The following CARMIL2 variants were observed in gnomAD, a reference collection of about 807,000 sequenced individuals.
CARMIL2 encodes the protein capping protein, Arp2/3 and myosin-I linker protein 2.
Under a neutral mutation model 173.3 loss-of-function variants are expected in CARMIL2, and 96 were observed. That is an observed-to-expected ratio of 0.55 (90% CI 0.47 to 0.66). CARMIL2 has a LOEUF of 0.66. Among genes scored for constraint, CARMIL2 ranks in the 30% least tolerant of loss-of-function variants. CARMIL2 has a pLI of 0.00. For synonymous variants in CARMIL2, 830 were observed against 817.1 expected (o/e 1.02, Z -0.27); for missense variants, 1,771 against 1,906.7 (o/e 0.93, Z 1.33).
At chr16:67,647,432 T>C in intron 10 of CARMIL2, 45 bp downstream of exon 10, 1 of 1,557,528 alleles carries the variant, frequency 6.4e-7, no homozygotes, top group Non-Finnish European at 8.7e-7. Flanking sequence ...TCTGGAGGCT[T>C]GGGACTGGGG....
chr16:67,647,100 C>T lies in CARMIL2; in HGVS notation c.612-16C>T. The T allele has an allele frequency of 1.9e-6, 3 of 1,613,428 alleles. No individual in the cohort carries two copies. Among genetic ancestry groups the T allele is most frequent in the Middle Eastern group, 1.7e-4 (1 of 6,058 alleles). On this transcript the variant is annotated splice_polypyrimidine_tract_variant and intron_variant, in intron 8 of 37. Transcript: ENST00000334583. ...GAGGGCCCTGAGCTCTGCCTCTGTT[C>T]CCACCCTCCCACCAGGGACCTGGCC...
At position 67,646,000 on chromosome 16, in the gene CARMIL2, G is replaced by A. The variant is rs746435317; in HGVS notation, c.187-18G>A. 2 of 1,613,696 alleles carry A rather than the reference G, an allele frequency of 1.2e-6. No homozygotes were observed. Among genetic ancestry groups the A allele is most frequent in the Non-Finnish European group, 1.7e-6 (2 of 1,179,856 alleles). ...CGGGGCTGGGGGCTTGGTCCCAGCT[G>A]ATCTAGGCCCTTTCTAGGTGGACTG... On this transcript the variant is annotated intron_variant, in intron 3 of 37. Coordinates refer to ENST00000334583, the MANE Select transcript of CARMIL2 (RefSeq NM_001013838.3).
intron 1 of CARMIL2, 110 bp downstream of exon 1, chr16:67,645,396 C>T: frequency 2.9e-6 from 4 of 1,403,462 alleles, no homozygotes; most frequent in Non-Finnish European, 3.9e-6. Flanking sequence ...TCCCTGCTCC[C>T]CAGGAGGGCA....
At position 67,655,205 on chromosome 16, in the gene CARMIL2, TG is replaced by T. The variant is rs530928071; in HGVS notation, c.3705+307del. Reference sequence around the variant, plus strand: ...CGACACTTTGGGAGGCTGAGGCAGGTGGATTACCTGAGGTCAGGAGTTAAGA... The same window carrying T: ...CGACACTTTGGGAGGCTGAGGCAGGTGATTACCTGAGGTCAGGAGTTAAGA... On this transcript the variant is annotated intron_variant, in intron 32 of 37. Transcript: ENST00000334583. Among the ~76,000 whole-genome samples, 224 of 152,210 alleles carry T rather than the reference TG, an allele frequency of 1.5e-3. 1 individual carries two copies. The highest frequency in any genetic ancestry group is 5.1e-3 in the African/African-American group (213 of 41,530).
Position 67,657,242 on chromosome 16 carries a change from G to A in CARMIL2, c.4121G>A (p.Arg1374Gln), listed in dbSNP as rs1372728652. ...HEDQLQAPAE[R>Q]PLRLQRSPVL... ...CAAGCCTTTCTGTGTCCCTTAGAACGGCCCCTGAGGCTGCAGCGCTCCCCC... is the reference window on the plus strand; with the variant it reads ...CAAGCCTTTCTGTGTCCCTTAGAACAGCCCCTGAGGCTGCAGCGCTCCCCC... Residue 1374 changes from arginine (R) to glutamine (Q), a missense_variant, in exon 37 of 38, where the codon CGG becomes CAG. Arg to Gln is a conservative substitution (Grantham distance 43). This residue lies in a region of CARMIL2 where 817 missense variants were observed against 903.5 expected (regional missense o/e 0.90). Coordinates refer to ENST00000334583, the MANE Select transcript of CARMIL2 (RefSeq NM_001013838.3). This position sits in a 1 kb window ranked among gnomAD's most constrained non-coding sequence, Gnocchi z 4.5. 3 of 1,613,600 alleles carry A rather than the reference G, an allele frequency of 1.9e-6. No homozygotes were observed. The highest frequency in any genetic ancestry group is 1.7e-6 in the Non-Finnish European group (2 of 1,179,754).
Position 67,654,859 on chromosome 16 carries a change from G to A in CARMIL2, c.3664G>A (p.Val1222Ile), listed in dbSNP as rs767991741. The change falls in exon 32 of 38, where the codon GTC becomes ATC. Residue 1222 changes from valine (V) to isoleucine (I), a missense_variant. Around this residue, in one of 3 missense-constraint regions of CARMIL2, gnomAD observed 817 missense variants for 903.5 expected, o/e 0.90. Transcript: ENST00000334583. Reference protein sequence around the residue: ...RVQVMLQRIGVSRGSGGAEGK... With the variant: ...RVQVMLQRIGISRGSGGAEGK... ...ACAAGTAATGCTGCAGAGGATAGGCGTCAGCCGAGGCAGCGGGGGTGCCGA... is the reference window on the plus strand; with the variant it reads ...ACAAGTAATGCTGCAGAGGATAGGCATCAGCCGAGGCAGCGGGGGTGCCGA... 3.7e-5 allele frequency: 59 copies of A among 1,613,712 alleles called. No homozygotes were observed. The highest frequency in any genetic ancestry group is 4.5e-5 in the Non-Finnish European group (53 of 1,179,892).
intron 22 of CARMIL2, 76 bp downstream of exon 22, chr16:67,650,226 A>C: frequency 7.9e-7 from 1 of 1,272,998 alleles, no homozygotes; most frequent in South Asian, 1.3e-5. Flanking sequence ...CATGAGTCAG[A>C]GGGTCTGACT....
Position 67,646,136 on chromosome 16 carries a change from T to A in CARMIL2, c.250-50T>A. The A allele has an allele frequency of 6.2e-7, 1 of 1,613,748 alleles. No individual in the cohort carries two copies. Among genetic ancestry groups the A allele is most frequent in the Non-Finnish European group, 8.5e-7 (1 of 1,179,816 alleles). On this transcript the variant is annotated intron_variant, in intron 4 of 37. Transcript: ENST00000334583. This position sits in a 1 kb window ranked among gnomAD's most constrained non-coding sequence, Gnocchi z 4.6. ...CAGCCTGGTCTTCATGCTACCACCA[T>A]CACCTGCGCCCATGTGTGGAGCCGA...
At position 67,648,919 on chromosome 16, in the gene CARMIL2, A is replaced by T. The variant is rs1265822435; in HGVS notation, c.1536A>T (p.Ile512=). ...TGCGCTCGGCCGGCGCCCAGGTGATACAAGACTTAGTGTGCGACGCAGGCG... is the reference window on the plus strand; with the variant it reads ...TGCGCTCGGCCGGCGCCCAGGTGATTCAAGACTTAGTGTGCGACGCAGGCG... ...CELRSAGAQV[I]QDLVCDAGAV... is the part of the protein sequence containing the mutation. Residue 512 remains isoleucine (I), a synonymous_variant, in exon 17 of 38, where the codon ATA becomes ATT. Coordinates refer to ENST00000334583, the MANE Select transcript of CARMIL2 (RefSeq NM_001013838.3). This position sits in a 1 kb window ranked among gnomAD's most constrained non-coding sequence, Gnocchi z 6.1. 6.2e-7 allele frequency: 1 copy of T among 1,608,952 alleles called. No homozygotes were observed. Among genetic ancestry groups the T allele is most frequent in the Non-Finnish European group, 8.5e-7 (1 of 1,178,112 alleles).
At position 67,651,839 on chromosome 16, in the gene CARMIL2, G is replaced by A; in HGVS notation, c.2582G>A (p.Arg861Lys). ...CAGCTGCTGCAAGATGCCTTCACTA[G>A]GCTCAGGTAGGCTGGATGGGGCTGG... ...PEQLLQDAFTRLRDMRLSITG... is the reference protein window; with the variant it reads ...PEQLLQDAFTKLRDMRLSITG... Residue 861 changes from arginine to lysine, a missense_variant, in exon 25 of 38, where the codon AGG becomes AAG. This residue lies in a region of CARMIL2 where 817 missense variants were observed against 903.5 expected (regional missense o/e 0.90). Transcript: ENST00000334583. The surrounding 1 kb of genome is among the most constrained non-coding windows in gnomAD (Gnocchi z 4.2). 1 of 1,612,556 alleles carries A rather than the reference G, an allele frequency of 6.2e-7. No homozygotes were observed.
In CARMIL2 at chr16:67,657,298, C is replaced by T. The variant is rs1326449222; in HGVS notation, c.4177C>T (p.Pro1393Ser). Residue 1393 changes from proline to serine, a missense_variant, in exon 37 of 38, where the codon CCT becomes TCT. Pro to Ser is a moderately conservative substitution (Grantham distance 74, BLOSUM62 -1). Transcript: ENST00000334583. The surrounding 1 kb of genome is among the most constrained non-coding windows in gnomAD (Gnocchi z 4.5). ...CAAACGCAGGCCAAAACTCGAGGCACCTCCATCCCCAAGCCTAGGTAAGAG... is the reference window on the plus strand; with the variant it reads ...CAAACGCAGGCCAAAACTCGAGGCATCTCCATCCCCAAGCCTAGGTAAGAG... ...VLKRRPKLEA[P>S]PSPSLGSGLG... 1 of 1,613,814 alleles carries T rather than the reference C, an allele frequency of 6.2e-7. No individual in the cohort carries two copies.
chr16:67,645,991 G>A (rs1353402510), intron 3 of CARMIL2, 27 bp from the exon 4 acceptor site: 2 of 1,613,122 alleles, frequency 1.2e-6, no homozygotes, highest in South Asian at 1.1e-5. Flanking sequence ...TGGGGGCTTG[G>A]TCCCAGCTGA....
rs750114244 is a variant in CARMIL2 at position 67,656,314 on chromosome 16, C to CTG, written c.3814+23_3814+24dup. On this transcript the variant is annotated intron_variant, in intron 34 of 37. Coordinates refer to ENST00000334583, the MANE Select transcript of CARMIL2 (RefSeq NM_001013838.3). ...TGTGTCTGCTGGTGAGTGAGGGCCA[C>CTG]TGTGTGTGTTGGTAGTGGGAGCAGG... 1.9e-6 allele frequency: 3 copies of CTG among 1,613,866 alleles called. No individual in the cohort carries two copies. The Admixed American group carries it at 5.0e-5, about 27-fold the overall frequency.
chr16:67,652,559 A>T lies in CARMIL2; in HGVS notation c.2884+21A>T. The T allele has an allele frequency of 1.2e-6, 2 of 1,609,250 alleles. No homozygotes were observed. Among genetic ancestry groups the T allele is most frequent in the Non-Finnish European group, 1.7e-6 (2 of 1,176,688 alleles). ...TCACAGTAAGTCAGGGCCTTGGGGG[A>T]GGGAGTTTACGTGGGTGGGCTGAAG... On this transcript the variant is annotated intron_variant, in intron 28 of 37. Coordinates refer to ENST00000334583, the MANE Select transcript of CARMIL2 (RefSeq NM_001013838.3). This position sits in a 1 kb window ranked among gnomAD's most constrained non-coding sequence, Gnocchi z 4.7.
Position 67,646,028 on chromosome 16 carries a change from C to T in CARMIL2, c.197C>T (p.Thr66Met), listed in dbSNP as rs548311381. 77 of 1,613,768 alleles carry T rather than the reference C, an allele frequency of 4.8e-5. No homozygotes were observed. Among genetic ancestry groups the T allele is most frequent in the Non-Finnish European group, 5.6e-5 (66 of 1,179,878 alleles). ...TTCLPLRVDC[T>M]FSYLEVQAMA... ...CTAGGCCCTTTCTAGGTGGACTGCA[C>T]GTTCAGCTACCTGGAGGTCCAGGCC... Residue 66 changes from threonine to methionine, a missense_variant, in exon 4 of 38, where the codon ACG (threonine) becomes ATG (methionine). Around this residue, in one of 3 missense-constraint regions of CARMIL2, gnomAD observed 944 missense variants for 975.6 expected, o/e 0.97. Coordinates refer to ENST00000334583, the MANE Select transcript of CARMIL2 (RefSeq NM_001013838.3). The surrounding 1 kb of genome is among the most constrained non-coding windows in gnomAD (Gnocchi z 4.6).
chr16:67,653,016 C>G lies in CARMIL2; in HGVS notation c.2885-3C>G, dbSNP rs1186395532. The stretch of plus-strand genomic sequence containing the variant: ...CGGTGCTCTTCTGGTGCTGTCCCCT[C>G]AGGTGCTGCTGAGGAAGCGGAGCCG... On this transcript the variant is annotated splice_polypyrimidine_tract_variant and splice_region_variant and intron_variant, in intron 28 of 37. Coordinates refer to ENST00000334583, the MANE Select transcript of CARMIL2 (RefSeq NM_001013838.3). This position sits in a 1 kb window ranked among gnomAD's most constrained non-coding sequence, Gnocchi z 7.4. 4 of 1,269,474 alleles carry G rather than the reference C, an allele frequency of 3.2e-6. No individual in the cohort carries two copies. The highest frequency in any genetic ancestry group is 6.7e-5 in the Admixed American group (2 of 29,670). 78.6% of individuals were successfully genotyped at this position (1,269,474 alleles called of 1,614,324 possible).
intron 1 of CARMIL2, 116 bp downstream of exon 1, chr16:67,645,402 G>A: frequency 1.4e-6 from 2 of 1,389,256 alleles, no homozygotes; most frequent in South Asian, 2.5e-5. Flanking sequence ...CTCCCCAGGA[G>A]GGCAGGCGCC....
Position 67,652,045 on chromosome 16 carries a change from C to G in CARMIL2, c.2676+37C>G, listed in dbSNP as rs2052735185. 6.2e-7 allele frequency: 1 copy of G among 1,608,346 alleles called. No homozygotes were observed. Among genetic ancestry groups the G allele is most frequent in the Admixed American group, 1.7e-5 (1 of 59,998 alleles). ...ATGTGCACACACTTTCGTGCAAACA[C>G]ACACATGCAGTGACTTGGCCATCTC... On this transcript the variant is annotated intron_variant, in intron 26 of 37. Coordinates refer to ENST00000334583, the MANE Select transcript of CARMIL2 (RefSeq NM_001013838.3). This position sits in a 1 kb window ranked among gnomAD's most constrained non-coding sequence, Gnocchi z 4.7.
At chr16:67,655,978 C>T (rs2052841163) in intron 32 of CARMIL2, 53 bp from the exon 33 acceptor site, 2 of 1,551,424 alleles carry the variant, frequency 1.3e-6, no homozygotes, top group Non-Finnish European at 1.7e-6. Flanking sequence ...GAACAAAAGG[C>T]TAGGGTGTGG....
Sources: gnomAD v4.1 joint callset for allele counts (sites outside exome capture counted in the v4.1 genomes callset) on GRCh38, gnomAD v4.1.1 for gene constraint, gnomAD v4.1.1 regional missense constraint, Gnocchi (gnomAD v3.1) non-coding constraint, MANE v1.5 for transcripts, NCBI Gene and HGNC (gene_info 2026-07-23, HGNC 2026-07-21) for gene names.